Variants in ZNF304 observed in about 807,000 individuals in gnomAD.
ZNF304 encodes KRAB-containing zinc finger protein.
Under a neutral mutation model 7.8 loss-of-function variants are expected in ZNF304, and 7 were observed. The ratio of observed to expected loss-of-function variants is 0.90; its 90% CI spans 0.51 to 1.69. The LOEUF (loss-of-function observed/expected upper bound fraction) is 1.69. Ranked by LOEUF, ZNF304 falls within the 40% of genes most tolerant of loss-of-function variation. The probability of loss-of-function intolerance (pLI) is 0.00; values close to 1 mark genes in which losing one functional copy is unlikely to be tolerated. For synonymous variants in ZNF304, 280 were observed against 272.4 expected, an observed-to-expected ratio of 1.03 and a Z score of -0.27; for missense variants, 669 against 804.8, an observed-to-expected ratio of 0.83 and a Z score of 2.04.
In ZNF304 at chr19:57,356,101, A is replaced by G; in HGVS notation, c.232A>G (p.Arg78Gly). ...SVSVEGVSQV[R>G]TAESGLFQKA... ...TTCTGTAGAAGGAGTGTCACAGGTC[A>G]GGACTGCTGAGTCAGGTCTTTTCCA... Residue 78 changes from arginine to glycine, a missense_variant, in exon 3 of 3, where the codon AGG (arginine) becomes GGG (glycine). Coordinates refer to ENST00000282286, the MANE Select transcript of ZNF304 (RefSeq NM_020657.4). 1 of 1,614,250 alleles carries G rather than the reference A, an allele frequency of 6.2e-7. No homozygotes were observed. Among genetic ancestry groups the G allele is most frequent in the African/African-American group, 1.3e-5 (1 of 75,072 alleles).
At position 57,351,895 on chromosome 19, in the gene ZNF304, T is replaced by G. The variant is rs2088279749; in HGVS notation, c.33+198T>G. ...ACAAATGCATGCATGGAGAGGAGAA[T>G]GAGTTTGGGGAGTTCCGGGAACTCT... is the stretch of plus-strand genomic sequence containing the variant. On this transcript the variant is annotated intron_variant, in intron 1 of 2. Coordinates refer to ENST00000282286, the MANE Select transcript of ZNF304 (RefSeq NM_020657.4). This position sits in a 1 kb window ranked among gnomAD's most constrained non-coding sequence, Gnocchi z 4.1. 2 of 572,974 alleles carry G rather than the reference T, an allele frequency of 3.5e-6. No homozygotes were observed. Among genetic ancestry groups the G allele is most frequent in the Non-Finnish European group, 6.0e-6 (2 of 333,668 alleles). The allele number at this position is 572,974 out of a possible 1,614,324, so 35.5% of individuals were successfully genotyped here. A position where few individuals can be genotyped will look rare whatever the true frequency, so the allele number is the denominator to read the frequency against.
At position 57,351,687 on chromosome 19, in the gene ZNF304, A is replaced by C. The variant is rs1428622037; in HGVS notation, c.23A>C (p.Asp8Ala). The change falls in exon 1 of 3, where the codon GAC (aspartate) becomes GCC (alanine). Residue 8 changes from aspartate to alanine, a missense_variant. Physicochemically the swap from Asp to Ala is moderately radical, Grantham distance 126 (BLOSUM62 -2). Transcript: ENST00000282286. The surrounding 1 kb of genome is among the most constrained non-coding windows in gnomAD (Gnocchi z 4.1). MAAAVLM[D>A]RVQSCVTFED... ...CTCATGGCAGCGGCGGTGCTGATGG[A>C]CCGGGTTCAGGTGAGTGGGGGCATC... 1 of 1,612,746 alleles carries C rather than the reference A, an allele frequency of 6.2e-7. No individual in the cohort carries two copies. Among genetic ancestry groups the C allele is most frequent in the South Asian group, 1.1e-5 (1 of 90,914 alleles).
At position 57,357,723 on chromosome 19, in the gene ZNF304, C is replaced by T. The variant is rs546079820; in HGVS notation, c.1854C>T (p.Ser618=). 3.2e-5 allele frequency: 52 copies of T among 1,614,130 alleles called. No homozygotes were observed. The highest frequency in any genetic ancestry group is 4.0e-5 in the Non-Finnish European group (47 of 1,180,008). The change falls in exon 3 of 3, where the codon AGC becomes AGT. Residue 618 remains serine, a synonymous_variant. Transcript: ENST00000282286. ...VHTGEKPYVC[S]ECGKAYSRSS... is the part of the protein sequence containing the mutation. ...CTGGAGAAAAGCCTTACGTATGCAGCGAATGTGGGAAAGCCTATAGCAGAA... is the reference window on the plus strand; with the variant it reads ...CTGGAGAAAAGCCTTACGTATGCAGTGAATGTGGGAAAGCCTATAGCAGAA...
chr19:57,359,808 T>G lies in ZNF304; in HGVS notation c.*1959T>G, dbSNP rs2088398712. On this transcript the variant is annotated 3_prime_UTR_variant, in exon 3 of 3. Transcript: ENST00000282286. ...CAGTATTTCATTGTATACCACAATTTTTCTTCTTTGTCAACTTAATTGTTA... is the reference window on the plus strand; with the variant it reads ...CAGTATTTCATTGTATACCACAATTGTTCTTCTTTGTCAACTTAATTGTTA... 6.6e-6 allele frequency: 1 copy of G among 152,240 alleles called. No homozygotes were observed. The highest frequency in any genetic ancestry group is 6.5e-5 in the Admixed American group (1 of 15,290). 9.4% of individuals were successfully genotyped at this position (152,240 alleles called of 1,614,324 possible).
Position 57,351,332 on chromosome 19 carries a change from T to C in ZNF304, c.-333T>C, listed in dbSNP as rs1299777100. 3.3e-5 allele frequency: 12 copies of C among 365,168 alleles called. No homozygotes were observed. The highest frequency in any genetic ancestry group is 6.0e-5 in the Non-Finnish European group (12 of 199,296). The allele number at this position is 365,168 out of a possible 1,614,324, so 22.6% of individuals were successfully genotyped here. Reference sequence around the variant, plus strand: ...TGAAGGCTGAGTTCTAGAGATCGGGTCGGCTTTCTACGCGGCTCTCGTGGA... The same window carrying C: ...TGAAGGCTGAGTTCTAGAGATCGGGCCGGCTTTCTACGCGGCTCTCGTGGA... On this transcript the variant is annotated 5_prime_UTR_variant, in exon 1 of 3. Coordinates refer to ENST00000282286, the MANE Select transcript of ZNF304 (RefSeq NM_020657.4). This position sits in a 1 kb window ranked among gnomAD's most constrained non-coding sequence, Gnocchi z 4.1.
At chr19:57,354,831 A>T (rs910305187) in intron 2 of ZNF304, among the ~76,000 whole-genome samples, 3 of 152,114 alleles carry the variant, frequency 2.0e-5, no homozygotes, top group African/African-American at 7.2e-5. Context: ...CTTTCTGTCC[A>T]TCCAGATCCA....
Position 57,357,164 on chromosome 19 carries a change from C to G in ZNF304, c.1295C>G (p.Ser432Cys). 1 of 1,614,164 alleles carries G rather than the reference C, an allele frequency of 6.2e-7. No homozygotes were observed. The highest frequency in any genetic ancestry group is 8.5e-7 in the Non-Finnish European group (1 of 1,180,026). Residue 432 changes from serine to cysteine, a missense_variant, in exon 3 of 3, where the codon TCT becomes TGT. Transcript: ENST00000282286. ...TGTGGAAAATTCTTTAGCCATAACT[C>G]TAGCCTCATTAAACATCGGAGAGTC... ...IECGKFFSHNSSLIKHRRVHT... is the reference protein window; with the variant it reads ...IECGKFFSHNCSLIKHRRVHT...
intron 2 of ZNF304, 120 bp downstream of exon 2, chr19:57,353,971 A>AT (rs1219791910): frequency 6.2e-6 from 5 of 810,132 alleles, no homozygotes; most frequent in Non-Finnish European, 9.1e-6. Context: ...TGGTTAGAGC[A>AT]TTTTTTGTTG....
rs560358356 is a variant in ZNF304 at position 57,358,629 on chromosome 19, A to T, written c.*780A>T. ...TATGTGCCTCAGAGGGGACCAAAGG[A>T]TGGCAGAAAACTGTTCTCAGTCTAG... On this transcript the variant is annotated 3_prime_UTR_variant, in exon 3 of 3. Transcript: ENST00000282286. 1 of 152,262 alleles carries T rather than the reference A, an allele frequency of 6.6e-6. No homozygotes were observed. The allele number at this position is 152,262 out of a possible 1,614,324, so 9.4% of individuals were successfully genotyped here. A position where few individuals can be genotyped will look rare whatever the true frequency, so the allele number is the denominator to read the frequency against.
In ZNF304 at chr19:57,356,239, A is replaced by C; in HGVS notation, c.370A>C (p.Arg124=). ...QKLCTRGLCR[R]RFSFSANFYQ... is the part of the protein sequence containing the mutation. The stretch of plus-strand genomic sequence containing the variant: ...ACTGTGCACACGTGGGCTGTGTAGG[A>C]GAAGATTCTCGTTCAGTGCAAACTT... Residue 124 remains arginine, a synonymous_variant, in exon 3 of 3, where the codon AGA becomes CGA. Transcript: ENST00000282286. 3.7e-6 allele frequency: 6 copies of C among 1,614,206 alleles called. No individual in the cohort carries two copies. The highest frequency in any genetic ancestry group is 5.1e-6 in the Non-Finnish European group (6 of 1,180,034).
At position 57,351,893 on chromosome 19, in the gene ZNF304, A is replaced by G; in HGVS notation, c.33+196A>G. The G allele has an allele frequency of 1.7e-6, 1 of 572,640 alleles. No homozygotes were observed. The highest frequency in any genetic ancestry group is 2.3e-5 in the South Asian group (1 of 43,566). 35.5% of individuals were successfully genotyped at this position (572,640 alleles called of 1,614,324 possible). A position where few individuals can be genotyped will look rare whatever the true frequency, so the allele number is the denominator to read the frequency against. ...GTACAAATGCATGCATGGAGAGGAG[A>G]ATGAGTTTGGGGAGTTCCGGGAACT... On this transcript the variant is annotated intron_variant, in intron 1 of 2. Transcript: ENST00000282286. The surrounding 1 kb of genome is among the most constrained non-coding windows in gnomAD (Gnocchi z 4.1).
At chr19:57,353,179 GGTGGATAGT>G (rs1488667289) in intron 1 of ZNF304, among the ~76,000 whole-genome samples, 1 of 152,210 alleles carries the variant, frequency 6.6e-6, no homozygotes, top group Non-Finnish European at 1.5e-5. Flanking sequence ...GGACGGCAGT[GGTGGATAGT>G]GTGAAGACGC....
At chr19:57,353,283 G>A (rs946651826) in intron 1 of ZNF304, among the ~76,000 whole-genome samples, 2 of 152,220 alleles carry the variant, frequency 1.3e-5, no homozygotes, top group South Asian at 4.1e-4. Flanking sequence ...CAGTGGCGGT[G>A]GGGATCTCAG....
Position 57,353,882 on chromosome 19 carries a change from C to T in ZNF304, c.160+31C>T, listed in dbSNP as rs1408066247. 7 of 1,490,562 alleles carry T rather than the reference C, an allele frequency of 4.7e-6. No individual in the cohort carries two copies. In the Admixed American group the frequency reaches 1.5e-4, roughly 31 times the overall value. The allele number at this position is 1,490,562 out of a possible 1,614,324, so 92.3% of individuals were successfully genotyped here. A position where few individuals can be genotyped will look rare whatever the true frequency, so the allele number is the denominator to read the frequency against. On this transcript the variant is annotated intron_variant, in intron 2 of 2. Transcript: ENST00000282286. ...TCTGTGTTTTAGTTATCTAATGCTA[C>T]ATGGCAAATTATCCCAAAGCTTAGT...
In ZNF304 at chr19:57,357,467, G is replaced by A. The variant is rs1277716974; in HGVS notation, c.1598G>A (p.Cys533Tyr). 1.2e-6 allele frequency: 2 copies of A among 1,614,018 alleles called. No individual in the cohort carries two copies. Among genetic ancestry groups the A allele is most frequent in the Admixed American group, 3.3e-5 (2 of 60,014 alleles). The change falls in exon 3 of 3, where the codon TGC (cysteine) becomes TAC (tyrosine). Residue 533 changes from cysteine to tyrosine, a missense_variant. Cys to Tyr is a radical substitution (Grantham distance 194). Coordinates refer to ENST00000282286, the MANE Select transcript of ZNF304 (RefSeq NM_020657.4). ...CACACTGGAGCAAAGCCTTATGAGT[G>A]CAATGAATGTGGGAAATGCTTTAGC... ...RIHTGAKPYE[C>Y]NECGKCFSHN...
chr19:57,355,928 C>T (rs901717217), intron 2 of ZNF304, 102 bp from the exon 3 acceptor site: 1 of 1,336,344 alleles, frequency 7.5e-7, no homozygotes, highest in African/African-American at 1.5e-5. Flanking sequence ...GTCCTGCCAA[C>T]AAGCCAGTGG....
Position 57,357,866 on chromosome 19 carries a change from C to T in ZNF304, c.*17C>T. On this transcript the variant is annotated 3_prime_UTR_variant, in exon 3 of 3. Coordinates refer to ENST00000282286, the MANE Select transcript of ZNF304 (RefSeq NM_020657.4). ...CTTGTTTAACACCAGAAAATTCACA[C>T]AAGAGAAAGGCCTTATGAATGCAGA... is the stretch of plus-strand genomic sequence containing the variant. The T allele has an allele frequency of 6.3e-7, 1 of 1,575,950 alleles. No individual in the cohort carries two copies. The highest frequency in any genetic ancestry group is 8.6e-7 in the Non-Finnish European group (1 of 1,164,550).
Position 57,351,881 on chromosome 19 carries a change from C to T in ZNF304, c.33+184C>T. 1.7e-6 allele frequency: 1 copy of T among 585,488 alleles called. No individual in the cohort carries two copies. Among genetic ancestry groups the T allele is most frequent in the Non-Finnish European group, 2.9e-6 (1 of 342,038 alleles). 36.3% of individuals were successfully genotyped at this position (585,488 alleles called of 1,614,324 possible). A position where few individuals can be genotyped will look rare whatever the true frequency, so the allele number is the denominator to read the frequency against. ...CAGGGGCAGTTCGTACAAATGCATG[C>T]ATGGAGAGGAGAATGAGTTTGGGGA... is the stretch of plus-strand genomic sequence containing the variant. On this transcript the variant is annotated intron_variant, in intron 1 of 2. Coordinates refer to ENST00000282286, the MANE Select transcript of ZNF304 (RefSeq NM_020657.4). This position sits in a 1 kb window ranked among gnomAD's most constrained non-coding sequence, Gnocchi z 4.1.
chr19:57,355,280 T>C (rs200874600), intron 2 of ZNF304: 242 of 765,184 alleles, frequency 3.2e-4, no homozygotes, highest in Non-Finnish European at 5.1e-4. Flanking sequence ...GCTTTCATTT[T>C]CCCAGTCCCA....
Sources: allele counts gnomAD v4.1 joint callset (sites outside exome capture counted in the v4.1 genomes callset), GRCh38; gene constraint gnomAD v4.1.1; non-coding constraint Gnocchi (gnomAD v3.1); transcripts MANE v1.5; gene names NCBI Gene and HGNC (gene_info 2026-07-23, HGNC 2026-07-21).